Variants in PRDM16 observed in about 807,000 individuals in gnomAD.
The protein encoded by PRDM16 is PR/SET domain 16.
Under a neutral mutation model 110.6 loss-of-function variants are expected in PRDM16, and 23 were observed. The ratio of observed to expected loss-of-function variants is 0.21; its 90% confidence interval spans 0.15 to 0.29. The LOEUF (loss-of-function observed/expected upper bound fraction) is 0.29, where lower values mean the gene tolerates loss of function less well. PRDM16 is among the 10% of genes least tolerant of loss of function. The pLI is 1.00. For synonymous variants in PRDM16, 799 were observed against 781.8 expected (o/e 1.02, Z -0.37); for missense variants, 1,615 against 1,794.3 (o/e 0.90, Z 1.81).
At chr1:3,230,512 T>C (rs527833729) in intron 2 of PRDM16, among the ~76,000 whole-genome samples, 1 of 152,308 alleles carries the variant, frequency 6.6e-6, no homozygotes, top group Non-Finnish European at 1.5e-5. Context: ...ATTCTGAGGG[T>C]TTGGGGATCT....
intron 1 of PRDM16, among the ~76,000 whole-genome samples, chr1:3,149,778 G>A (rs528545295): frequency 2.0e-5 from 3 of 152,184 alleles, no homozygotes; most frequent in Non-Finnish European, 4.4e-5. Context: ...CACCTTCACC[G>A]CTCAGGAGGG....
At chr1:3,130,799 T>TG (rs1288682604) in intron 1 of PRDM16, among the ~76,000 whole-genome samples, 4 of 147,806 alleles carry the variant, frequency 2.7e-5, no homozygotes, top group African/African-American at 5.0e-5. Flanking sequence ...GGGGGGCTGT[T>TG]TTTTTTTTTT....
rs373205864 is a variant in PRDM16 at position 3,411,796 on chromosome 1, G to A, written c.1599G>A (p.Ser533=). The A allele has an allele frequency of 1.3e-4, 217 of 1,611,442 alleles. 1 individual carries two copies. In the African/African-American group the frequency reaches 1.9e-3, roughly 14 times the overall value. The part of the protein sequence containing the change: ...YPRPPLLPPT[S]LLKSPLNHTQ... ...GGCCGCCTCTGCTACCTCCCACATC[G>A]CTGCTCAAGAGCCCCCTGAACCACA... The change falls in exon 9 of 17, where the codon TCG becomes TCA. Residue 533 remains serine (S), a synonymous_variant. Transcript: ENST00000270722.
At chr1:3,109,696 T>A (rs2981868) in intron 1 of PRDM16, among the ~76,000 whole-genome samples, 55,202 of 152,064 alleles carry the variant, frequency 0.36, 10,338 homozygotes, top group South Asian at 0.55. Context: ...GGAATTTCCA[T>A]CCCGTCTGTG....
intron 1 of PRDM16, among the ~76,000 whole-genome samples, chr1:3,144,157 G>C (rs986722147): frequency 6.6e-6 from 1 of 152,168 alleles, no homozygotes; most frequent in East Asian, 1.9e-4. Context: ...GGGACAACTC[G>C]TGACCAGCCC....
At chr1:3,318,228 A>G (rs1174162659) in intron 3 of PRDM16, among the ~76,000 whole-genome samples, 1 of 152,186 alleles carries the variant, frequency 6.6e-6, no homozygotes, top group African/African-American at 2.4e-5. Flanking sequence ...TAATAACTGT[A>G]TTAAGAAGGT....
chr1:3,365,728 G>A (rs1642797871), intron 3 of PRDM16, among the ~76,000 whole-genome samples: 3 of 152,236 alleles, frequency 2.0e-5, no homozygotes, highest in Admixed American at 6.5e-5. Flanking sequence ...TCACCTCGCC[G>A]CGGCCTCGTT....
intron 1 of PRDM16, among the ~76,000 whole-genome samples, chr1:3,166,531 A>G (rs565537043): frequency 9.8e-5 from 15 of 152,342 alleles, no homozygotes; most frequent in African/African-American, 3.6e-4. Context: ...TCAGGAATAC[A>G]ACCCCAGGGA....
chr1:3,389,288 CG>C (rs1174548699), intron 4 of PRDM16, among the ~76,000 whole-genome samples: 1 of 152,180 alleles, frequency 6.6e-6, no homozygotes, highest in Non-Finnish European at 1.5e-5. Context: ...GAGGCAGGAC[CG>C]GCTAAGCTGA....
At chr1:3,169,606 C>G (rs946904108) in intron 1 of PRDM16, among the ~76,000 whole-genome samples, 1 of 152,186 alleles carries the variant, frequency 6.6e-6, no homozygotes, top group African/African-American at 2.4e-5. Flanking sequence ...TCCCTGTCAC[C>G]TCCTCAACAA....
chr1:3,401,247 C>T (rs536207895), intron 5 of PRDM16, among the ~76,000 whole-genome samples: 149 of 152,312 alleles, frequency 9.8e-4, no homozygotes, highest in Non-Finnish European at 1.3e-3. Flanking sequence ...GGCCTATGAC[C>T]GTGGTGGTCT....
At position 3,405,011 on chromosome 1, in the gene PRDM16, G is replaced by T; in HGVS notation, c.1032+125G>T. 3.7e-6 allele frequency: 4 copies of T among 1,068,476 alleles called. No homozygotes were observed. The South Asian group carries it at 4.8e-5, about 13-fold the overall frequency. The allele number at this position is 1,068,476 out of a possible 1,614,324, so 66.2% of individuals were successfully genotyped here. A position where few individuals can be genotyped will look rare whatever the true frequency, so the allele number is the denominator to read the frequency against. ...TGGAGTGCGGCAGAGTGGGTAGGAGGCCCCTGCGGTGGCTCGGGCCCTTCC... is the reference window on the plus strand; with the variant it reads ...TGGAGTGCGGCAGAGTGGGTAGGAGTCCCCTGCGGTGGCTCGGGCCCTTCC... On this transcript the variant is annotated intron_variant, in intron 7 of 16. Coordinates refer to ENST00000270722, the MANE Select transcript of PRDM16 (RefSeq NM_022114.4).
At chr1:3,298,509 C>G (rs1437608926) in intron 3 of PRDM16, among the ~76,000 whole-genome samples, 2 of 152,250 alleles carry the variant, frequency 1.3e-5, no homozygotes, top group Non-Finnish European at 2.9e-5. Context: ...ATCCCCACCC[C>G]CCGGCCCGGA....
intron 2 of PRDM16, among the ~76,000 whole-genome samples, chr1:3,231,932 G>T (rs548374698): frequency 6.6e-6 from 1 of 152,336 alleles, no homozygotes; most frequent in East Asian, 1.9e-4. Context: ...GACTCCAGAG[G>T]TGGCCAGTTT....
intron 3 of PRDM16, among the ~76,000 whole-genome samples, chr1:3,282,711 C>G (rs1203389567): frequency 6.6e-6 from 1 of 152,188 alleles, no homozygotes; most frequent in East Asian, 1.9e-4. Context: ...CAGAGCTGGT[C>G]ACTGCCACTC....
chr1:3,435,259 A>G lies in PRDM16; in HGVS notation c.*1448A>G. ...TTTTTTCTAATTCATTTCTTTTCTT[A>G]TTTTATTTCCTCCTTAACAGTATTT... is the stretch of plus-strand genomic sequence containing the variant. On this transcript the variant is annotated 3_prime_UTR_variant, in exon 17 of 17. Coordinates refer to ENST00000270722, the MANE Select transcript of PRDM16 (RefSeq NM_022114.4). 1 of 221,850 alleles carries G rather than the reference A, an allele frequency of 4.5e-6. No homozygotes were observed. The highest frequency in any genetic ancestry group is 9.0e-6 in the Non-Finnish European group (1 of 111,080). 13.7% of individuals were successfully genotyped at this position (221,850 alleles called of 1,614,324 possible). A position where few individuals can be genotyped will look rare whatever the true frequency, so the allele number is the denominator to read the frequency against.
intron 3 of PRDM16, among the ~76,000 whole-genome samples, chr1:3,252,238 G>A (rs1639950041): frequency 6.6e-6 from 1 of 152,216 alleles, no homozygotes; most frequent in South Asian, 2.1e-4. Context: ...CAGGTTGAGT[G>A]CTCCCGGCTC....
At position 3,426,152 on chromosome 1, in the gene PRDM16, T is replaced by C. The variant is rs561896892; in HGVS notation, c.3211T>C (p.Ser1071Pro). Residue 1071 changes from serine to proline, a missense_variant, in exon 14 of 17, where the codon TCT (serine) becomes CCT (proline). Around this residue, in one of 5 missense-constraint regions of PRDM16, gnomAD observed 327 missense variants for 359.3 expected, o/e 0.91. Transcript: ENST00000270722. Reference protein sequence around the residue: ...NHALLDEKEDSYFSEIRNFIA... With the variant: ...NHALLDEKEDPYFSEIRNFIA... ...CGCACTTTTAGACGAGAAAGAAGAC[T>C]CTTATTTCTCGGAAATCAGAAACTT... 1 of 1,613,678 alleles carries C rather than the reference T, an allele frequency of 6.2e-7. No homozygotes were observed. The highest frequency in any genetic ancestry group is 8.5e-7 in the Non-Finnish European group (1 of 1,179,904).
rs182004106 is a variant in PRDM16 at position 3,134,624 on chromosome 1, C to T, written c.38-51501C>T. 3.5e-3 allele frequency among the ~76,000 whole-genome samples: 533 copies of T among 152,364 alleles called. 3 individuals are homozygous for T. Among genetic ancestry groups the T allele is most frequent in the African/African-American group, 0.012 (502 of 41,586 alleles). Reference sequence around the variant, plus strand: ...TAGGAAAAAGAACCGTGAAAAGCTCCGGAGTTAACCGTGGCGGCTTGAAGG... The same window carrying T: ...TAGGAAAAAGAACCGTGAAAAGCTCTGGAGTTAACCGTGGCGGCTTGAAGG... On this transcript the variant is annotated intron_variant, in intron 1 of 16. Transcript: ENST00000270722.
Sources: allele counts gnomAD v4.1 joint callset (sites outside exome capture counted in the v4.1 genomes callset), GRCh38; gene constraint gnomAD v4.1.1; regional missense constraint gnomAD v4.1.1; transcripts MANE v1.5; gene names NCBI Gene and HGNC (gene_info 2026-07-23, HGNC 2026-07-21).